AP4S1: variants seen among roughly 807,000 people sequenced by gnomAD.
The protein encoded by AP4S1 is adaptor related protein complex 4 subunit sigma 1.
AP4S1 carries 23 observed loss-of-function variants against 19.8 expected under a neutral mutation model. That is an observed-to-expected ratio of 1.16 (90% CI 0.84 to 1.65). AP4S1 has a LOEUF of 1.65. Ranked by LOEUF, AP4S1 falls within the 40% of genes most tolerant of loss-of-function variation. The probability of loss-of-function intolerance (pLI) is 0.00; values close to 1 mark genes in which losing one functional copy is unlikely to be tolerated. For missense variants in AP4S1, 166 were observed against 172.8 expected (o/e 0.96, Z 0.22); for synonymous variants, 46 against 54.1 (o/e 0.85, Z 0.66).
intron 1 of AP4S1, among the ~76,000 whole-genome samples, chr14:31,065,538 C>A (rs959821974): frequency 2.6e-5 from 4 of 152,156 alleles, no homozygotes; most frequent in African/African-American, 9.7e-5. Context: ...ATCGTTGTTA[C>A]CCAGCAAAAT....
At chr14:31,084,648 C>A in intron 5 of AP4S1, 1 of 1,504,590 alleles carries the variant, frequency 6.6e-7, no homozygotes, top group South Asian at 1.2e-5. Context: ...TCCACCCGCC[C>A]GGCTGAAGTG....
At chr14:31,049,428 A>AAAAAAAAAAATATATAT (rs1384450221) in intron 1 of AP4S1, among the ~76,000 whole-genome samples, 4 of 57,764 alleles carry the variant, frequency 6.9e-5, no homozygotes, top group Non-Finnish European at 8.7e-5. Context: ...AAAAAAAAAA[A>AAAAAAAAAAATATATAT]ATATATATAT....
At chr14:31,030,058 C>G (rs1205130051) in intron 1 of AP4S1, among the ~76,000 whole-genome samples, 1 of 151,810 alleles carries the variant, frequency 6.6e-6, no homozygotes, top group Non-Finnish European at 1.5e-5. Context: ...TTGGCTCACT[C>G]CAGCTTCAGC....
chr14:31,085,083 C>G, intron 5 of AP4S1: 3 of 1,399,676 alleles, frequency 2.1e-6, no homozygotes, highest in Non-Finnish European at 2.8e-6. Context: ...CAGGCCTGGA[C>G]AGCCAGGGGC....
At chr14:31,078,181 GA>G (rs1887467520) in intron 4 of AP4S1, among the ~76,000 whole-genome samples, 1 of 152,194 alleles carries the variant, frequency 6.6e-6, no homozygotes, top group Non-Finnish European at 1.5e-5. Flanking sequence ...TGGCCTTGGG[GA>G]CAGAGGACAT....
intron 5 of AP4S1, among the ~76,000 whole-genome samples, chr14:31,089,796 G>A (rs1888026853): frequency 6.6e-6 from 1 of 152,022 alleles, no homozygotes; most frequent in Non-Finnish European, 1.5e-5. Flanking sequence ...GCACATGCCT[G>A]TACTCCCAGC....
intron 1 of AP4S1, among the ~76,000 whole-genome samples, chr14:31,051,617 A>G (rs1226506644): frequency 1.3e-5 from 2 of 152,202 alleles, no homozygotes; most frequent in African/African-American, 2.4e-5. Flanking sequence ...ACTTAACATT[A>G]TTTATATACA....
chr14:31,074,657 A>T (rs1185215361), intron 4 of AP4S1, among the ~76,000 whole-genome samples: 1 of 152,038 alleles, frequency 6.6e-6, no homozygotes, highest in African/African-American at 2.4e-5. Flanking sequence ...TGGGCGACAG[A>T]GCAAGACTCC....
chr14:31,069,828 T>G lies in AP4S1; in HGVS notation c.139-15T>G. On this transcript the variant is annotated splice_polypyrimidine_tract_variant and intron_variant, in intron 2 of 5. Coordinates refer to ENST00000542754, the MANE Select transcript of AP4S1 (RefSeq NM_001128126.3). ...CTCAGCCACAGGAATTAATATCTCATTGTGTTTTGTCTAGTGCTCTTTCAT... is the reference window on the plus strand; with the variant it reads ...CTCAGCCACAGGAATTAATATCTCAGTGTGTTTTGTCTAGTGCTCTTTCAT... 1 of 1,580,364 alleles carries G rather than the reference T, an allele frequency of 6.3e-7. No individual in the cohort carries two copies. Among genetic ancestry groups the G allele is most frequent in the Non-Finnish European group, 8.7e-7 (1 of 1,149,400 alleles).
chr14:31,048,722 G>A (rs549739533), intron 1 of AP4S1, among the ~76,000 whole-genome samples: 17 of 152,166 alleles, frequency 1.1e-4, no homozygotes, highest in Non-Finnish European at 2.2e-4. Context: ...CTGGGTGACA[G>A]TGAGACTCTG....
chr14:31,062,906 G>A (rs952649406), intron 1 of AP4S1, among the ~76,000 whole-genome samples: 2 of 151,936 alleles, frequency 1.3e-5, no homozygotes, highest in African/African-American at 4.8e-5. Flanking sequence ...GGCGGAGCTT[G>A]CAGTGAGCCG....
intron 3 of AP4S1, among the ~76,000 whole-genome samples, chr14:31,072,557 G>A (rs936802844): frequency 1.3e-5 from 2 of 151,954 alleles, no homozygotes; most frequent in Non-Finnish European, 2.9e-5. Flanking sequence ...TTTTTATGGA[G>A]ACAGAGTCTC....
At chr14:31,028,783 G>A (rs867174684) in intron 1 of AP4S1, among the ~76,000 whole-genome samples, 1 of 152,076 alleles carries the variant, frequency 6.6e-6, no homozygotes, top group African/African-American at 2.4e-5. Flanking sequence ...GCGTGGTGGC[G>A]CTTGCCTGTA....
At position 31,093,787 on chromosome 14, in the gene AP4S1, CTTT is replaced by C. The variant is rs939295352; in HGVS notation, c.*755_*757del. On this transcript the variant is annotated 3_prime_UTR_variant, in exon 6 of 6. Coordinates refer to ENST00000542754, the MANE Select transcript of AP4S1 (RefSeq NM_001128126.3). ...CCTTTAAAAGGCTTAGTAAAATTAA[CTTT>C]TTAAGAGGTGTTTTTTTGTTTGTTT... The C allele has an allele frequency of 9.2e-5, 14 of 152,240 alleles. No individual in the cohort carries two copies. Among genetic ancestry groups the C allele is most frequent in the Admixed American group, 7.9e-4 (12 of 15,234 alleles). 9.4% of individuals were successfully genotyped at this position (152,240 alleles called of 1,614,324 possible).
intron 1 of AP4S1, among the ~76,000 whole-genome samples, chr14:31,044,647 C>A (rs1450347381): frequency 2.6e-5 from 4 of 151,680 alleles, no homozygotes; most frequent in African/African-American, 9.7e-5. Flanking sequence ...CGAACCTGGA[C>A]CTGCTAGTTT....
At chr14:31,051,052 C>T (rs980760581) in intron 1 of AP4S1, among the ~76,000 whole-genome samples, 1 of 151,852 alleles carries the variant, frequency 6.6e-6, no homozygotes, top group African/African-American at 2.4e-5. Flanking sequence ...CCCAGGAGTT[C>T]AAAACCAGCC....
At chr14:31,044,076 C>G (rs1472851453) in intron 1 of AP4S1, among the ~76,000 whole-genome samples, 1 of 152,060 alleles carries the variant, frequency 6.6e-6, no homozygotes, top group Non-Finnish European at 1.5e-5. Flanking sequence ...TAATTTAACT[C>G]AATGTTTTTA....
chr14:31,080,290 T>C (rs1887569663), intron 4 of AP4S1, among the ~76,000 whole-genome samples: 1 of 152,244 alleles, frequency 6.6e-6, no homozygotes, highest in Non-Finnish European at 1.5e-5. Flanking sequence ...CATATCAAAT[T>C]ACCTACATCT....
chr14:31,091,846 T>C (rs918358241), intron 5 of AP4S1, among the ~76,000 whole-genome samples: 5 of 152,248 alleles, frequency 3.3e-5, no homozygotes, highest in Non-Finnish European at 7.3e-5. Context: ...ATCTGTCAAC[T>C]GTTTTTGTTT....
Sources: allele counts gnomAD v4.1 joint callset (sites outside exome capture counted in the v4.1 genomes callset), GRCh38; gene constraint gnomAD v4.1.1; transcripts MANE v1.5; gene names NCBI Gene and HGNC (gene_info 2026-07-23, HGNC 2026-07-21).